The following CBFB variants were observed in gnomAD, a reference collection of about 807,000 sequenced individuals.
The protein encoded by CBFB is core-binding factor subunit beta, also known as CBF-beta.
Under a neutral mutation model 30.4 loss-of-function variants are expected in CBFB, and 9 were observed. The observed-to-expected ratio is 0.30, with a 90% CI of 0.18 to 0.52. The LOEUF is 0.52. CBFB is among the 20% of genes least tolerant of loss of function. CBFB has a pLI of 0.97. For missense variants in CBFB, 170 were observed against 244.0 expected, an observed-to-expected ratio of 0.70 and a Z score of 2.02; for synonymous variants, 94 against 84.0, an observed-to-expected ratio of 1.12 and a Z score of -0.65.
intron 3 of CBFB, among the ~76,000 whole-genome samples, chr16:67,059,958 T>A (rs1251235641): frequency 3.4e-5 from 4 of 118,768 alleles, no homozygotes; most frequent in East Asian, 2.0e-4. Context: ...AAACTTTTAA[T>A]TCTTTCTTTC....
At chr16:67,038,407 G>T (rs888896360) in intron 3 of CBFB, among the ~76,000 whole-genome samples, 2 of 151,458 alleles carry the variant, frequency 1.3e-5, no homozygotes, top group Non-Finnish European at 2.9e-5. Flanking sequence ...TATATAAAAT[G>T]AATTTTTTGT....
chr16:67,077,157 A>G (rs1329863154), intron 4 of CBFB, among the ~76,000 whole-genome samples: 2 of 152,186 alleles, frequency 1.3e-5, no homozygotes, highest in Non-Finnish European at 2.9e-5. Context: ...TAAGCCAATA[A>G]TTTTATCTTC....
intron 5 of CBFB, among the ~76,000 whole-genome samples, chr16:67,096,788 CACAA>C: frequency 6.6e-6 from 1 of 151,808 alleles, no homozygotes; most frequent in Admixed American, 6.6e-5. Flanking sequence ...TCCTGGCTAA[CACAA>C]AGAAACCCCA....
rs577324926 is a variant in CBFB, at chr16:67,099,333, T to C, written c.*555T>C. 2 of 227,038 alleles carry C rather than the reference T, an allele frequency of 8.8e-6. No homozygotes were observed. The highest frequency in any genetic ancestry group is 2.2e-5 in the African/African-American group (1 of 45,002). The allele number at this position is 227,038 out of a possible 1,614,324, so 14.1% of individuals were successfully genotyped here. On this transcript the variant is annotated 3_prime_UTR_variant, in exon 6 of 6. Transcript: ENST00000412916. ...TTTACAGGCTAAAAACTTAGTAGCA[T>C]AGAGCTGTCTGCCACAGCCTTCTGA...
chr16:67,085,711 T>C (rs1444848306), intron 5 of CBFB, among the ~76,000 whole-genome samples: 1 of 142,926 alleles, frequency 7.0e-6, no homozygotes, highest in Non-Finnish European at 1.5e-5. Context: ...GGAGTCTCGC[T>C]CTGTCGCCCA....
intron 5 of CBFB, among the ~76,000 whole-genome samples, chr16:67,084,191 T>TAAAAAAAAA (rs1961651967): frequency 3.1e-5 from 3 of 97,732 alleles, no homozygotes; most frequent in African/African-American, 1.2e-4. Context: ...AAAAAAAAAG[T>TAAAAAAAAA]ATATTCTAGC....
At chr16:67,084,207 TAATC>T (rs1396009280) in intron 5 of CBFB, among the ~76,000 whole-genome samples, 3 of 78,434 alleles carry the variant, frequency 3.8e-5, no homozygotes, top group Non-Finnish European at 8.8e-5. Context: ...CTAGCAAAAA[TAATC>T]AAGATAAGAA....
At chr16:67,092,591 G>A (rs1961918407) in intron 5 of CBFB, among the ~76,000 whole-genome samples, 3 of 146,140 alleles carry the variant, frequency 2.1e-5, no homozygotes, top group Admixed American at 6.9e-5. Flanking sequence ...CTATAATTCT[G>A]TATTCAGAAT....
intron 4 of CBFB, among the ~76,000 whole-genome samples, chr16:67,076,569 T>G (rs912007388): frequency 2.0e-5 from 3 of 152,090 alleles, no homozygotes; most frequent in Non-Finnish European, 1.5e-5. Flanking sequence ...ATAAGTAGTA[T>G]TCACAAAATT....
chr16:67,029,621 A>G, intron 1 of CBFB, 106 bp from the exon 2 acceptor site: 1 of 1,318,186 alleles, frequency 7.6e-7, no homozygotes, highest in Non-Finnish European at 1.0e-6. Flanking sequence ...CGGGGCGGCC[A>G]TCGCCCGCAG....
rs777715968 is a variant in CBFB, at chr16:67,036,623, T to C, written c.166-16T>C. 1 of 1,453,314 alleles carries C rather than the reference T, an allele frequency of 6.9e-7. No individual in the cohort carries two copies. Among genetic ancestry groups the C allele is most frequent in the South Asian group, 1.1e-5 (1 of 87,732 alleles). 90.0% of individuals were successfully genotyped at this position (1,453,314 alleles called of 1,614,324 possible). On this transcript the variant is annotated splice_polypyrimidine_tract_variant and intron_variant, in intron 2 of 5. Transcript: ENST00000412916. ...TGTCCTGCTCCTGATCCTGTTTGTA[T>C]TGATTTTTCTAAAAGGCTTTTGTGG...
intron 4 of CBFB, among the ~76,000 whole-genome samples, chr16:67,076,254 C>T (rs1021368860): frequency 6.6e-6 from 1 of 151,898 alleles, no homozygotes; most frequent in Non-Finnish European, 1.5e-5. Flanking sequence ...ATTAGCCAGG[C>T]ATGGTGGCAT....
intron 3 of CBFB, among the ~76,000 whole-genome samples, chr16:67,049,443 C>A (rs1431994811): frequency 6.6e-6 from 1 of 151,968 alleles, no homozygotes; most frequent in African/African-American, 2.4e-5. Context: ...CTCAGGTGAT[C>A]TGCCCACCTT....
intron 5 of CBFB, among the ~76,000 whole-genome samples, chr16:67,098,114 TTTTGTTTG>T (rs369708538): frequency 0.068 from 10,181 of 150,550 alleles, 1,028 homozygotes; most frequent in African/African-American, 0.23. Context: ...TTGTGGGGTT[TTTTGTTTG>T]TTTGTTTGTT....
chr16:67,031,994 A>G (rs1280360155), intron 2 of CBFB, among the ~76,000 whole-genome samples: 1 of 151,994 alleles, frequency 6.6e-6, no homozygotes, highest in Non-Finnish European at 1.5e-5. Context: ...ACGCAGCCCC[A>G]TGTGTTGTAT....
In CBFB at chr16:67,058,416, C is replaced by T. The variant is rs562633923; in HGVS notation, c.283-8266C>T. Among the ~76,000 whole-genome samples, 7 of 152,334 alleles carry T rather than the reference C, an allele frequency of 4.6e-5. No homozygotes were observed. The South Asian group carries it at 1.2e-3, about 27-fold the overall frequency. On this transcript the variant is annotated intron_variant, in intron 3 of 5. Transcript: ENST00000412916. ...TCAGCCTTCCAAAGTGCCGGGATCA[C>T]AGGCGTGAACCACCACGCCCGACCA...
Position 67,100,700 on chromosome 16 carries a change from C to T in CBFB, c.*1922C>T, listed in dbSNP as rs1962196009. ...ATTGTCTAGCTAAGGGCTTTCGGTC[C>T]ACCAGTAAATAAGATCAAATGCTCT... On this transcript the variant is annotated 3_prime_UTR_variant, in exon 6 of 6. Transcript: ENST00000412916. 1 of 218,862 alleles carries T rather than the reference C, an allele frequency of 4.6e-6. No homozygotes were observed. The highest frequency in any genetic ancestry group is 1.9e-4 in the South Asian group (1 of 5,388). The allele number at this position is 218,862 out of a possible 1,614,324, so 13.6% of individuals were successfully genotyped here.
intron 3 of CBFB, among the ~76,000 whole-genome samples, chr16:67,051,098 G>A (rs1966730721): frequency 6.6e-6 from 1 of 152,206 alleles, no homozygotes; most frequent in Non-Finnish European, 1.5e-5. Flanking sequence ...CTGTGGCTAA[G>A]CGGGGACTAC....
intron 3 of CBFB, among the ~76,000 whole-genome samples, chr16:67,055,431 T>A (rs933682823): frequency 7.3e-6 from 1 of 136,454 alleles, no homozygotes; most frequent in Non-Finnish European, 1.5e-5. Flanking sequence ...CAGTGGCGCA[T>A]CTCGGCTCAC....
Sources: gnomAD v4.1 joint callset for allele counts (sites outside exome capture counted in the v4.1 genomes callset) on GRCh38, gnomAD v4.1.1 for gene constraint, MANE v1.5 for transcripts, NCBI Gene and HGNC (gene_info 2026-07-23, HGNC 2026-07-21) for gene names.